The following TRHDE variants were observed in gnomAD, a reference collection of about 807,000 sequenced individuals.
TRHDE encodes thyrotropin releasing hormone degrading enzyme.
TRHDE carries 72 observed loss-of-function variants against 125.7 expected under a neutral mutation model. That is an observed-to-expected ratio of 0.57 (90% CI 0.47 to 0.70). TRHDE has a LOEUF of 0.70. TRHDE is among the 30% of genes least tolerant of loss of function. TRHDE has a pLI of 0.00. For synonymous variants in TRHDE, 509 were observed against 509.1 expected (o/e 1.00, Z 0.00); for missense variants, 1,110 against 1,327.1 (o/e 0.84, Z 2.54).
intron 10 of TRHDE, among the ~76,000 whole-genome samples, chr12:72,571,548 AC>A (rs1484833081): frequency 3.9e-5 from 6 of 152,176 alleles, no homozygotes; most frequent in African/African-American, 1.4e-4. Flanking sequence ...TAATTTTTAA[AC>A]CAATTTTTCA....
At chr12:72,369,364 G>A (rs192960135) in intron 2 of TRHDE, among the ~76,000 whole-genome samples, 2 of 152,260 alleles carry the variant, frequency 1.3e-5, no homozygotes, top group Admixed American at 1.3e-4. Flanking sequence ...TCAGTAACAA[G>A]TTCATGGCCA....
intron 2 of TRHDE, among the ~76,000 whole-genome samples, chr12:72,149,769 A>G (rs769395821): frequency 1.3e-5 from 2 of 152,148 alleles, no homozygotes; most frequent in Non-Finnish European, 2.9e-5. Context: ...ACACAAGCAT[A>G]TTTACTAAAA....
intron 2 of TRHDE, among the ~76,000 whole-genome samples, chr12:72,203,909 T>G (rs1311581495): frequency 6.6e-6 from 1 of 152,178 alleles, no homozygotes. Context: ...CTGCTCTCCC[T>G]TTGACCCATC....
intron 3 of TRHDE, among the ~76,000 whole-genome samples, chr12:72,378,942 T>C (rs969632679): frequency 3.0e-4 from 46 of 152,322 alleles, no homozygotes; most frequent in African/African-American, 1.1e-3. Flanking sequence ...GTGGAAGTTA[T>C]TTTTCCTTCC....
chr12:72,167,732 T>A (rs547911691), intron 2 of TRHDE: 1 of 152,292 alleles, frequency 6.6e-6, no homozygotes, highest in Non-Finnish European at 1.5e-5. Flanking sequence ...ATAAACATAT[T>A]TCTCCCATAA....
intron 12 of TRHDE, among the ~76,000 whole-genome samples, chr12:72,611,586 A>G (rs1464626929): frequency 6.6e-6 from 1 of 152,116 alleles, no homozygotes; most frequent in Non-Finnish European, 1.5e-5. Context: ...CATTTCATGA[A>G]CCTTCACTCT....
intron 12 of TRHDE, among the ~76,000 whole-genome samples, chr12:72,594,502 GTTTT>G (rs11446527): frequency 7.4e-6 from 1 of 136,012 alleles, no homozygotes; most frequent in Non-Finnish European, 1.6e-5. Context: ...ACAGATGTGA[GTTTT>G]TTTTTTTTTT....
intron 2 of TRHDE, among the ~76,000 whole-genome samples, chr12:72,367,079 A>G (rs1429846710): frequency 6.6e-6 from 1 of 152,048 alleles, no homozygotes; most frequent in African/African-American, 2.4e-5. Context: ...CCTTCTTAGC[A>G]CTGAGATTTT....
intron 12 of TRHDE, among the ~76,000 whole-genome samples, chr12:72,606,266 A>G (rs951741850): frequency 6.6e-6 from 1 of 152,214 alleles, no homozygotes; most frequent in African/African-American, 2.4e-5. Flanking sequence ...AACTCAGAAC[A>G]GAGTAATAAT....
chr12:72,465,344 A>G (rs767343626), intron 3 of TRHDE, among the ~76,000 whole-genome samples: 3 of 152,114 alleles, frequency 2.0e-5, no homozygotes, highest in Admixed American at 2.0e-4. Context: ...CATCACTCCC[A>G]AAAGTTTCCC....
chr12:72,129,442 C>T (rs998143656), intron 2 of TRHDE, among the ~76,000 whole-genome samples: 1 of 152,132 alleles, frequency 6.6e-6, no homozygotes, highest in African/African-American at 2.4e-5. Flanking sequence ...GTCTCCAAAC[C>T]TTCCTAACAC....
intron 18 of TRHDE, among the ~76,000 whole-genome samples, chr12:72,658,432 T>C (rs1874790050): frequency 1.3e-5 from 2 of 152,128 alleles, no homozygotes. Context: ...TCCTGTTTGC[T>C]TCCTTCGTTC....
intron 6 of TRHDE, among the ~76,000 whole-genome samples, chr12:72,524,440 C>T (rs2135966432): frequency 6.6e-6 from 1 of 152,242 alleles, no homozygotes; most frequent in South Asian, 2.1e-4. Flanking sequence ...TGCTTCTCTA[C>T]ATATATATGA....
chr12:72,638,930 C>T (rs1873899496), intron 15 of TRHDE, among the ~76,000 whole-genome samples: 1 of 151,902 alleles, frequency 6.6e-6, no homozygotes, highest in South Asian at 2.1e-4. Flanking sequence ...CTCTGGCTGC[C>T]CTTAACATTT....
At chr12:72,564,676 TTTTTTTTTTG>T (rs1870350997) in intron 9 of TRHDE, among the ~76,000 whole-genome samples, 1 of 125,674 alleles carries the variant, frequency 8.0e-6, no homozygotes, top group African/African-American at 2.9e-5. Flanking sequence ...TTTTTTTTTT[TTTTTTTTTTG>T]AGACGGAGTC....
intron 12 of TRHDE, among the ~76,000 whole-genome samples, chr12:72,587,585 A>G (rs11836997): frequency 0.26 from 40,224 of 151,802 alleles, 8,112 homozygotes; most frequent in African/African-American, 0.54. Flanking sequence ...CCTCAGAAAG[A>G]CATCTTTTTT....
chr12:72,267,579 G>A (rs1048270703), upstream of TRHDE, among the ~76,000 whole-genome samples: 1 of 152,030 alleles, frequency 6.6e-6, no homozygotes, highest in Non-Finnish European at 1.5e-5. Context: ...CTTCAAGTAT[G>A]AGGCTGCAAT....
chr12:72,485,029 C>A (rs548151853), intron 5 of TRHDE, among the ~76,000 whole-genome samples: 1 of 152,118 alleles, frequency 6.6e-6, no homozygotes, highest in Non-Finnish European at 1.5e-5. Context: ...GGAGGGACTT[C>A]TTCCTGCAGA....
chr12:72,384,168 T>C (rs1454938987), intron 3 of TRHDE, among the ~76,000 whole-genome samples: 1 of 152,216 alleles, frequency 6.6e-6, no homozygotes, highest in Non-Finnish European at 1.5e-5. Context: ...CTATTTAGAC[T>C]TCAATTAATG....
Sources: gnomAD v4.1 joint callset for allele counts (sites outside exome capture counted in the v4.1 genomes callset) on GRCh38, gnomAD v4.1.1 for gene constraint, MANE v1.5 for transcripts, NCBI Gene and HGNC (gene_info 2026-07-23, HGNC 2026-07-21) for gene names.